COG3: variants seen among roughly 807,000 people sequenced by gnomAD.
COG3 encodes the protein conserved oligomeric Golgi complex subunit 3.
In COG3, 32 loss-of-function variants were observed where a neutral mutation model predicts 114.1. The observed-to-expected ratio is 0.28, with a 90% CI of 0.21 to 0.38. The LOEUF is 0.38. Ranked by LOEUF, COG3 falls within the 10% of genes least tolerant of loss-of-function variation. COG3 has a pLI of 1.00. For missense variants in COG3, 813 were observed against 973.2 expected, an observed-to-expected ratio of 0.84 and a Z score of 2.19; for synonymous variants, 352 against 365.7, an observed-to-expected ratio of 0.96 and a Z score of 0.43.
intron 17 of COG3, 34 bp downstream of exon 17, chr13:45,516,297 T>G (rs1339489161): frequency 1.3e-6 from 2 of 1,544,482 alleles, no homozygotes; most frequent in Non-Finnish European, 1.8e-6. Flanking sequence ...CACTTGGGTG[T>G]GTTTGATCTG....
intron 16 of COG3, among the ~76,000 whole-genome samples, chr13:45,513,508 TA>T: frequency 7.6e-6 from 1 of 132,328 alleles, no homozygotes; most frequent in African/African-American, 2.8e-5. Context: ...ATTATATATA[TA>T]ATATATACAT....
At chr13:45,510,979 A>C (rs1401036482) in intron 15 of COG3, among the ~76,000 whole-genome samples, 1 of 152,166 alleles carries the variant, frequency 6.6e-6, no homozygotes, top group Non-Finnish European at 1.5e-5. Context: ...CAAGTTGGAG[A>C]CCAGGGCCCA....
chr13:45,500,127 C>T (rs893255217), intron 13 of COG3, among the ~76,000 whole-genome samples: 10 of 138,266 alleles, frequency 7.2e-5, no homozygotes, highest in African/African-American at 2.7e-4. Context: ...AAAAAGAGGC[C>T]TGATTATTTT....
At chr13:45,519,373 G>A (rs1372601386) in intron 19 of COG3, among the ~76,000 whole-genome samples, 1 of 152,200 alleles carries the variant, frequency 6.6e-6, no homozygotes, top group Non-Finnish European at 1.5e-5. Context: ...TATCCGCCTT[G>A]TAGGTTATCT....
chr13:45,478,717 G>C (rs374827177), intron 2 of COG3, among the ~76,000 whole-genome samples: 4 of 151,694 alleles, frequency 2.6e-5, no homozygotes, highest in African/African-American at 9.7e-5. Context: ...TCGAACTCCC[G>C]ACCTCAGGTG....
At chr13:45,506,110 G>A (rs1870116964) in intron 14 of COG3, among the ~76,000 whole-genome samples, 1 of 152,096 alleles carries the variant, frequency 6.6e-6, no homozygotes, top group Non-Finnish European at 1.5e-5. Flanking sequence ...TCACATTTAT[G>A]ATTTACATTA....
intron 16 of COG3, among the ~76,000 whole-genome samples, chr13:45,514,387 C>G (rs1481500858): frequency 6.6e-6 from 1 of 152,060 alleles, no homozygotes; most frequent in African/African-American, 2.4e-5. Context: ...TCTTGAATGC[C>G]TGACCTCAAG....
At chr13:45,481,478 T>A (rs552755741) in intron 5 of COG3, among the ~76,000 whole-genome samples, 174 bp downstream of exon 5, 57 of 152,316 alleles carry the variant, frequency 3.7e-4, no homozygotes, top group South Asian at 1.7e-3. Flanking sequence ...TTCAGATTTT[T>A]AAATATTTGA....
At chr13:45,489,277 A>AAAAAAAAAAG in intron 8 of COG3, among the ~76,000 whole-genome samples, 1 of 149,542 alleles carries the variant, frequency 6.7e-6, no homozygotes, top group South Asian at 2.1e-4. Context: ...AAAAAAAAAA[A>AAAAAAAAAAG]AAAGCCAACC....
chr13:45,465,799 T>G (rs994873048), intron 1 of COG3: 1 of 152,306 alleles, frequency 6.6e-6, no homozygotes, highest in African/African-American at 2.4e-5. Context: ...GCAATAAAAA[T>G]GAATTTTATT....
intron 16 of COG3, among the ~76,000 whole-genome samples, chr13:45,513,226 TAATATATACATATAAATTATAC>T (rs1871094804): frequency 5.6e-5 from 3 of 53,142 alleles, no homozygotes; most frequent in African/African-American, 1.8e-4. Context: ...TATATATATA[TAATATATACATATAAATTATAC>T]ATATAATATA....
Position 45,516,246 on chromosome 13 carries a change from A to T in COG3, c.1913A>T (p.Asp638Val). The change falls in exon 17 of 23, where the codon GAC becomes GTC. Residue 638 changes from aspartate to valine, a missense_variant. Asp to Val is a radical substitution (Grantham distance 152). Transcript: ENST00000349995. The part of the protein sequence containing the change: ...TEFTIKEISL[D>V]LKKTRDAAFK... ...TTCACCATTAAGGAAATTTCCCTGG[A>T]CCTCAAGAAAACTAGAGGTACTTTG... 1 of 1,588,158 alleles carries T rather than the reference A, an allele frequency of 6.3e-7. No individual in the cohort carries two copies. Among genetic ancestry groups the T allele is most frequent in the Non-Finnish European group, 8.6e-7 (1 of 1,163,450 alleles).
Position 45,491,489 on chromosome 13 carries a change from G to A in COG3, c.1046G>A (p.Cys349Tyr). 6.2e-7 allele frequency: 1 copy of A among 1,613,564 alleles called. No individual in the cohort carries two copies. Among genetic ancestry groups the A allele is most frequent in the Non-Finnish European group, 8.5e-7 (1 of 1,179,682 alleles). ...CTCCTTTTGGGCCCTAGTATTGCTT[G>A]CACTGTTGCAGAGTTAACCAGCCAA... ...RELLLGPSIA[C>Y]TVAELTSQNN... Residue 349 changes from cysteine to tyrosine, a missense_variant, in exon 10 of 23, where the codon TGC becomes TAC. Around this residue, in one of 2 missense-constraint regions of COG3, gnomAD observed 424 missense variants for 430.6 expected, o/e 0.98. Transcript: ENST00000349995.
At chr13:45,504,388 C>T (rs1288242898) in intron 14 of COG3, among the ~76,000 whole-genome samples, 1 of 152,176 alleles carries the variant, frequency 6.6e-6, no homozygotes, top group Non-Finnish European at 1.5e-5. Context: ...CCTCTTGGTC[C>T]TAGTATACCT....
chr13:45,531,529 T>A (rs1873165527), intron 22 of COG3, among the ~76,000 whole-genome samples: 1 of 152,022 alleles, frequency 6.6e-6, no homozygotes, highest in African/African-American at 2.4e-5. Context: ...TGTTTTGTTT[T>A]GAAATGGAGT....
intron 13 of COG3, among the ~76,000 whole-genome samples, chr13:45,499,622 G>T (rs1452197038): frequency 6.6e-6 from 1 of 152,208 alleles, no homozygotes; most frequent in African/African-American, 2.4e-5. Flanking sequence ...TAAGAGTAAA[G>T]ATAATGACCC....
chr13:45,512,630 G>A (rs1345341653), intron 16 of COG3, among the ~76,000 whole-genome samples: 1 of 150,808 alleles, frequency 6.6e-6, no homozygotes, highest in Non-Finnish European at 1.5e-5. Flanking sequence ...ACTGTGCCTG[G>A]CCTTTTTTTT....
chr13:45,483,442 A>G, intron 7 of COG3, 87 bp downstream of exon 7: 1 of 1,143,066 alleles, frequency 8.7e-7, no homozygotes, highest in Non-Finnish European at 1.2e-6. Flanking sequence ...TGAGATTAGT[A>G]CTTTGTAATT....
chr13:45,502,251 C>T (rs1869619529), intron 13 of COG3, among the ~76,000 whole-genome samples: 1 of 152,050 alleles, frequency 6.6e-6, no homozygotes, highest in Admixed American at 6.6e-5. Context: ...TTAGGAGTAT[C>T]AGTTTTTGTA....
Sources: gnomAD v4.1 joint callset for allele counts (sites outside exome capture counted in the v4.1 genomes callset) on GRCh38, gnomAD v4.1.1 for gene constraint, gnomAD v4.1.1 regional missense constraint, MANE v1.5 for transcripts, NCBI Gene and HGNC (gene_info 2026-07-23, HGNC 2026-07-21) for gene names.